ENTPD6: variants seen among roughly 807,000 people sequenced by gnomAD.
The protein encoded by ENTPD6 is ectonucleoside triphosphate diphosphohydrolase 6.
Under a neutral mutation model 61.5 loss-of-function variants are expected in ENTPD6, and 46 were observed. That is an observed-to-expected ratio of 0.75 (90% CI 0.59 to 0.96). ENTPD6 has a LOEUF of 0.96. Ranked by LOEUF, ENTPD6 falls within the 40% of genes least tolerant of loss-of-function variation. The probability of loss-of-function intolerance (pLI) is 0.00; values close to 1 mark genes in which losing one functional copy is unlikely to be tolerated. For missense variants in ENTPD6, 612 were observed against 629.0 expected (o/e 0.97, Z 0.29); for synonymous variants, 252 against 255.5 (o/e 0.99, Z 0.13).
intron 1 of ENTPD6, among the ~76,000 whole-genome samples, chr20:25,203,161 G>A (rs761233562): frequency 2.0e-5 from 3 of 152,112 alleles, no homozygotes; most frequent in Non-Finnish European, 4.4e-5. Flanking sequence ...TGTTATTGAG[G>A]ATTCTTTGTA....
chr20:25,216,846 T>G, intron 8 of ENTPD6, 110 bp downstream of exon 8: 1 of 729,804 alleles, frequency 1.4e-6, no homozygotes, highest in Non-Finnish European at 2.3e-6. Context: ...GGGGTGGGGT[T>G]GGCCAGGTCT....
Position 25,195,730 on chromosome 20 carries a change from G to T in ENTPD6, c.-153G>T. The stretch of plus-strand genomic sequence containing the variant: ...GCATGGGGCGGAGCCCAGGCCCTAG[G>T]GAATCGTGGGGTCGTATCCCGCGGG... On this transcript the variant is annotated 5_prime_UTR_variant, in exon 1 of 15. Transcript: ENST00000376652. 1 of 666,656 alleles carries T rather than the reference G, an allele frequency of 1.5e-6. No individual in the cohort carries two copies. 41.3% of individuals were successfully genotyped at this position (666,656 alleles called of 1,614,324 possible). A position where few individuals can be genotyped will look rare whatever the true frequency, so the allele number is the denominator to read the frequency against.
At chr20:25,196,233 C>A in intron 1 of ENTPD6, 1 of 1,128,038 alleles carries the variant, frequency 8.9e-7, no homozygotes, top group Non-Finnish European at 1.1e-6. Context: ...GGAAGCTTCG[C>A]GTAGCAGTTT....
chr20:25,211,918 G>A (rs1568623884), intron 4 of ENTPD6, among the ~76,000 whole-genome samples: 1 of 152,024 alleles, frequency 6.6e-6, no homozygotes, highest in Non-Finnish European at 1.5e-5. Flanking sequence ...AAATGATCCT[G>A]CCACCTCAGC....
chr20:25,224,634 TG>T (rs1398168025), intron 13 of ENTPD6: 3 of 156,920 alleles, frequency 1.9e-5, no homozygotes, highest in African/African-American at 7.2e-5. Context: ...CTTCCCAATG[TG>T]TGGGTCCAAA....
At chr20:25,205,307 A>G (rs1016436079) in intron 1 of ENTPD6, among the ~76,000 whole-genome samples, 1 of 152,090 alleles carries the variant, frequency 6.6e-6, no homozygotes, top group Non-Finnish European at 1.5e-5. Context: ...GCATCCGGGA[A>G]GGGGGTGGCA....
chr20:25,205,625 G>GGGCTGCA (rs1320047304), intron 1 of ENTPD6, among the ~76,000 whole-genome samples: 1 of 152,206 alleles, frequency 6.6e-6, no homozygotes, highest in African/African-American at 2.4e-5. Context: ...GGCTGGGGAG[G>GGGCTGCA]GGCTGCACGT....
intron 7 of ENTPD6, 56 bp from the exon 8 acceptor site, chr20:25,216,592 G>C: frequency 7.4e-7 from 1 of 1,356,250 alleles, no homozygotes; most frequent in Non-Finnish European, 1.0e-6. Flanking sequence ...TGGCTTTTCT[G>C]CTGTTCTCGC....
In ENTPD6 at chr20:25,225,918, C is replaced by T. The variant is rs547359540; in HGVS notation, c.*321C>T. Reference sequence around the variant, plus strand: ...CCCTGCCTGTCCCATCCCCATGCCCCGTCCGCGGGGCTGTGGCTGCTGCTG... The same window carrying T: ...CCCTGCCTGTCCCATCCCCATGCCCTGTCCGCGGGGCTGTGGCTGCTGCTG... On this transcript the variant is annotated 3_prime_UTR_variant, in exon 15 of 15. Transcript: ENST00000376652. 1.7e-5 allele frequency: 4 copies of T among 240,734 alleles called. No individual in the cohort carries two copies. The East Asian group carries it at 2.6e-4, about 16-fold the overall frequency. The allele number at this position is 240,734 out of a possible 1,614,324, so 14.9% of individuals were successfully genotyped here. A position where few individuals can be genotyped will look rare whatever the true frequency, so the allele number is the denominator to read the frequency against.
rs948311350 is a variant in ENTPD6 at position 25,224,138 on chromosome 20, C to T, written c.1224C>T (p.Phe408=). The T allele has an allele frequency of 8.7e-6, 14 of 1,612,110 alleles. No homozygotes were observed. The highest frequency in any genetic ancestry group is 7.6e-6 in the Non-Finnish European group (9 of 1,179,222). ...GAGGCAGCCTGGTGGTGGGGGACTT[C>T]GAGATCGCAGCCAAGTACGGTGAGT... ...EKGGSLVVGD[F]EIAAKYVCRT... The change falls in exon 13 of 15, where the codon TTC becomes TTT. Residue 408 remains phenylalanine (F), a synonymous_variant. Transcript: ENST00000376652.
At chr20:25,197,750 C>T (rs1411269798) in intron 1 of ENTPD6, among the ~76,000 whole-genome samples, 1 of 152,220 alleles carries the variant, frequency 6.6e-6, no homozygotes, top group Non-Finnish European at 1.5e-5. Flanking sequence ...GTTCCTGGTT[C>T]TGTGCTCTCT....
intron 1 of ENTPD6, among the ~76,000 whole-genome samples, chr20:25,200,275 AT>A (rs1285380006): frequency 1.3e-5 from 2 of 152,126 alleles, no homozygotes; most frequent in Non-Finnish European, 2.9e-5. Flanking sequence ...ACAGATTGCT[AT>A]TTTTGTGGTT....
intron 4 of ENTPD6, among the ~76,000 whole-genome samples, chr20:25,212,919 A>G (rs963603660): frequency 6.6e-6 from 1 of 152,188 alleles, no homozygotes; most frequent in Non-Finnish European, 1.5e-5. Flanking sequence ...GTTAGCCAAG[A>G]TGGTCTTGAT....
chr20:25,212,903 C>G (rs774864360), intron 4 of ENTPD6, among the ~76,000 whole-genome samples: 3 of 152,214 alleles, frequency 2.0e-5, no homozygotes, highest in Non-Finnish European at 4.4e-5. Flanking sequence ...AACGTGGTTT[C>G]ACCCTGTTAG....
At chr20:25,222,756 A>G in intron 11 of ENTPD6, 82 bp from the exon 12 acceptor site, 4 of 1,552,348 alleles carry the variant, frequency 2.6e-6, no homozygotes, top group African/African-American at 1.4e-5. Context: ...CAGAGTCTCA[A>G]GTCCCCTGGG....
At position 25,221,151 on chromosome 20, in the gene ENTPD6, G is replaced by A. The variant is rs531795834; in HGVS notation, c.944-81G>A. On this transcript the variant is annotated intron_variant, in intron 10 of 14. Coordinates refer to ENST00000376652, the MANE Select transcript of ENTPD6 (RefSeq NM_001247.5). ...TTCCCCCATCCTGTGTCAAGCCAGG[G>A]CCTCCGCGACTCCTAGCTCAGCCCT... The A allele has an allele frequency of 3.7e-6, 4 of 1,090,738 alleles. No individual in the cohort carries two copies. The Admixed American group carries it at 6.3e-5, about 17-fold the overall frequency. The allele number at this position is 1,090,738 out of a possible 1,614,324, so 67.6% of individuals were successfully genotyped here.
At chr20:25,218,703 C>T in intron 10 of ENTPD6, 89 bp downstream of exon 10, 1 of 1,347,056 alleles carries the variant, frequency 7.4e-7, no homozygotes, top group South Asian at 1.4e-5. Flanking sequence ...AGGGCACCAG[C>T]TTGGCCCTGC....
At chr20:25,217,753 CCTT>C (rs2092399800) in intron 9 of ENTPD6, among the ~76,000 whole-genome samples, 172 bp downstream of exon 9, 1 of 151,782 alleles carries the variant, frequency 6.6e-6, no homozygotes, top group Admixed American at 6.6e-5. Context: ...CTGCCCTCCT[CCTT>C]CATCCTTTAA....
In ENTPD6 at chr20:25,222,994, T is replaced by C. The variant is rs758862918; in HGVS notation, c.1186+16T>C. 8 of 1,288,408 alleles carry C rather than the reference T, an allele frequency of 6.2e-6. No individual in the cohort carries two copies. The highest frequency in any genetic ancestry group is 1.6e-5 in the African/African-American group (1 of 61,112). 79.8% of individuals were successfully genotyped at this position (1,288,408 alleles called of 1,614,324 possible). A position where few individuals can be genotyped will look rare whatever the true frequency, so the allele number is the denominator to read the frequency against. Reference sequence around the variant, plus strand: ...GGCCTCATAGGTAAGGGGGCCCGGATGGGCTGAGCAGGAAGGTCGGGGCGG... The same window carrying C: ...GGCCTCATAGGTAAGGGGGCCCGGACGGGCTGAGCAGGAAGGTCGGGGCGG... On this transcript the variant is annotated intron_variant, in intron 12 of 14. Transcript: ENST00000376652.
Sources: allele counts gnomAD v4.1 joint callset (sites outside exome capture counted in the v4.1 genomes callset), GRCh38; gene constraint gnomAD v4.1.1; transcripts MANE v1.5; gene names NCBI Gene and HGNC (gene_info 2026-07-23, HGNC 2026-07-21).